Variants in BPIFA1 observed in about 807,000 individuals in gnomAD.
The protein encoded by BPIFA1 is BPI fold-containing family A member 1.
BPIFA1 carries 24 observed loss-of-function variants against 25.1 expected under a neutral mutation model. The observed-to-expected ratio is 0.96, with a 90% confidence interval of 0.69 to 1.35. The LOEUF (loss-of-function observed/expected upper bound fraction) is 1.35. Among genes scored for constraint, BPIFA1 ranks in the 40% most tolerant of loss-of-function variants. The pLI is 0.00. For synonymous variants in BPIFA1, 139 were observed against 131.8 expected, an observed-to-expected ratio of 1.05 and a Z score of -0.37; for missense variants, 344 against 303.7, an observed-to-expected ratio of 1.13 and a Z score of -0.99.
chr20:33,242,210 G>T (rs1459597153), intron 7 of BPIFA1, 91 bp downstream of exon 7: 1 of 1,328,634 alleles, frequency 7.5e-7, no homozygotes, highest in Non-Finnish European at 1.1e-6. Context: ...TAGGATACTA[G>T]GTCCCTCTGG....
Position 33,237,794 on chromosome 20 carries a change from TG to T in BPIFA1, c.85del (p.Asp29ThrfsTer6). 6.2e-7 allele frequency: 1 copy of T among 1,602,376 alleles called. No individual in the cohort carries two copies. The highest frequency in any genetic ancestry group is 2.2e-5 in the East Asian group (1 of 44,572). On this transcript the variant is annotated frameshift_variant, in exon 2 of 9. Transcript: ENST00000354297. LOFTEE classifies it high-confidence loss of function. ...CAGTTTGGAGGCCTGCCCGTGCCCC[TG>T]GACCAGACCCTGCCCTTGAATGTGA... The part of the protein sequence containing the change: ...MAQFGGLPVP[L>X]DQTLPLNVNP...
chr20:33,238,385 G>A (rs76818991), intron 3 of BPIFA1, among the ~76,000 whole-genome samples, 171 bp downstream of exon 3: 6,247 of 152,186 alleles, frequency 0.041, 158 homozygotes, highest in Middle Eastern at 0.085. Flanking sequence ...AGGGACACCC[G>A]TCCTCCCCAA....
intron 3 of BPIFA1, 97 bp from the exon 4 acceptor site, chr20:33,239,706 T>C (rs1978861618): frequency 8.2e-7 from 1 of 1,224,256 alleles, no homozygotes; most frequent in Non-Finnish European, 1.2e-6. Context: ...GGTGGGAAGC[T>C]CTACCTCTGG....
In BPIFA1 at chr20:33,241,477, G is replaced by C. The variant is rs1002910272; in HGVS notation, c.666+8G>C. 7.5e-6 allele frequency: 12 copies of C among 1,604,618 alleles called. No individual in the cohort carries two copies. In the African/African-American group the frequency reaches 1.5e-4, roughly 20 times the overall value. ...GAGTTGGTTCAGGGCAACGTAAGTA[G>C]GCAAGGTGGGGATCCCCTGATCCTC... On this transcript the variant is annotated splice_region_variant and intron_variant, in intron 6 of 8. Coordinates refer to ENST00000354297, the MANE Select transcript of BPIFA1 (RefSeq NM_130852.3).
At chr20:33,237,236 G>T (rs537107320) in intron 1 of BPIFA1, among the ~76,000 whole-genome samples, 10 of 152,196 alleles carry the variant, frequency 6.6e-5, no homozygotes, top group Non-Finnish European at 1.2e-4. Context: ...TAGTACACAA[G>T]TGGGTTTCAA....
At chr20:33,237,931 TG>T (rs1978768762) in intron 2 of BPIFA1, 60 bp downstream of exon 2, 11 of 1,486,302 alleles carry the variant, frequency 7.4e-6, no homozygotes, top group Non-Finnish European at 8.2e-6. Context: ...TGTGTGTGTG[TG>T]TGTGTGTGTG....
At chr20:33,238,562 G>A (rs1051192431) in intron 3 of BPIFA1, among the ~76,000 whole-genome samples, 3 of 152,184 alleles carry the variant, frequency 2.0e-5, no homozygotes, top group African/African-American at 7.2e-5. Flanking sequence ...AGTGAGTAAG[G>A]CTCTCACTCT....
At chr20:33,237,611 A>G in intron 1 of BPIFA1, 86 bp from the exon 2 acceptor site, 1 of 1,187,392 alleles carries the variant, frequency 8.4e-7, no homozygotes, top group Admixed American at 3.1e-5. Context: ...GGAGCAAACA[A>G]CCCCACCCCC....
At chr20:33,240,619 A>AATAG (rs11469892) in intron 5 of BPIFA1, among the ~76,000 whole-genome samples, 1 of 148,240 alleles carries the variant, frequency 6.7e-6, no homozygotes, top group Admixed American at 6.9e-5. Flanking sequence ...GAGAAGGATG[A>AATAG]ATAGATAGAT....
intron 3 of BPIFA1, 83 bp from the exon 4 acceptor site, chr20:33,239,719 TG>T: frequency 7.6e-7 from 1 of 1,313,284 alleles, no homozygotes; most frequent in Non-Finnish European, 1.1e-6. Context: ...ACCTCTGGGA[TG>T]GGTACTGTTA....
rs978556228 is a variant in BPIFA1, at chr20:33,239,983, C to T, written c.428+73C>T. On this transcript the variant is annotated intron_variant, in intron 4 of 8. Coordinates refer to ENST00000354297, the MANE Select transcript of BPIFA1 (RefSeq NM_130852.3). Reference sequence around the variant, plus strand: ...CCCTGGTGACCATGGTTAACCATAACGGGGGTATTGGAGTCTAACAGACCT... The same window carrying T: ...CCCTGGTGACCATGGTTAACCATAATGGGGGTATTGGAGTCTAACAGACCT... The T allele has an allele frequency of 4.8e-5, 71 of 1,492,386 alleles. No homozygotes were observed. In the African/African-American group the frequency reaches 6.8e-4, roughly 14 times the overall value. 92.4% of individuals were successfully genotyped at this position (1,492,386 alleles called of 1,614,324 possible).
rs757991996 is a variant in BPIFA1, at chr20:33,237,799, C to G, written c.88C>G (p.Gln30Glu). 1.0e-4 allele frequency: 163 copies of G among 1,603,140 alleles called. No individual in the cohort carries two copies. The highest frequency in any genetic ancestry group is 2.2e-4 in the Admixed American group (13 of 58,660). Reference protein sequence around the residue: ...QFGGLPVPLDQTLPLNVNPAL... With the variant: ...QFGGLPVPLDETLPLNVNPAL... ...TGGAGGCCTGCCCGTGCCCCTGGACCAGACCCTGCCCTTGAATGTGAATCC... is the reference window on the plus strand; with the variant it reads ...TGGAGGCCTGCCCGTGCCCCTGGACGAGACCCTGCCCTTGAATGTGAATCC... Residue 30 changes from glutamine (Q) to glutamate (E), a missense_variant, in exon 2 of 9, where the codon CAG becomes GAG. Coordinates refer to ENST00000354297, the MANE Select transcript of BPIFA1 (RefSeq NM_130852.3).
rs1027049797 is a variant in BPIFA1, at chr20:33,242,383, C to G, written c.731-104C>G. ...AAGCATGCTGAACACAGTCGGATCT[C>G]CAGAGGCCTCCATTCCCTGGCCCCC... On this transcript the variant is annotated intron_variant, in intron 7 of 8. Coordinates refer to ENST00000354297, the MANE Select transcript of BPIFA1 (RefSeq NM_130852.3). 9 of 1,373,410 alleles carry G rather than the reference C, an allele frequency of 6.6e-6. No homozygotes were observed. In the African/African-American group the frequency reaches 1.1e-4, roughly 17 times the overall value. The allele number at this position is 1,373,410 out of a possible 1,614,324, so 85.1% of individuals were successfully genotyped here. A position where few individuals can be genotyped will look rare whatever the true frequency, so the allele number is the denominator to read the frequency against.
chr20:33,240,665 A>G (rs1304625238), intron 5 of BPIFA1, among the ~76,000 whole-genome samples: 1 of 147,500 alleles, frequency 6.8e-6, no homozygotes, highest in African/African-American at 2.7e-5. Flanking sequence ...ATAGATAGAT[A>G]GATAGATAGA....
In BPIFA1 at chr20:33,241,484, T is replaced by C; in HGVS notation, c.666+15T>C. On this transcript the variant is annotated intron_variant, in intron 6 of 8. Coordinates refer to ENST00000354297, the MANE Select transcript of BPIFA1 (RefSeq NM_130852.3). ...TTCAGGGCAACGTAAGTAGGCAAGGTGGGGATCCCCTGATCCTCAGGTTTT... is the reference window on the plus strand; with the variant it reads ...TTCAGGGCAACGTAAGTAGGCAAGGCGGGGATCCCCTGATCCTCAGGTTTT... The C allele has an allele frequency of 6.2e-7, 1 of 1,601,694 alleles. No individual in the cohort carries two copies. Among genetic ancestry groups the C allele is most frequent in the Non-Finnish European group, 8.6e-7 (1 of 1,168,610 alleles).
intron 4 of BPIFA1, 34 bp downstream of exon 4, chr20:33,239,944 C>T (rs762856637): frequency 6.3e-7 from 1 of 1,583,710 alleles, no homozygotes; most frequent in South Asian, 1.1e-5. Context: ...GAGAGGATGG[C>T]TCACCGAGGG....
intron 5 of BPIFA1, 89 bp from the exon 6 acceptor site, chr20:33,241,296 T>C: frequency 8.1e-7 from 1 of 1,233,690 alleles, no homozygotes; most frequent in Non-Finnish European, 1.2e-6. Context: ...GACTGAGTGT[T>C]GAGACTGTGG....
intron 8 of BPIFA1, 68 bp downstream of exon 8, chr20:33,242,629 G>C (rs1016431300): frequency 4.4e-6 from 5 of 1,143,894 alleles, no homozygotes; most frequent in Non-Finnish European, 6.6e-6. Context: ...GAAGGCAGAC[G>C]GGAGCTTGGG....
chr20:33,238,221 T>A lies in BPIFA1; in HGVS notation c.320+7T>A. ...GCCTGAACAACATCATTGAGTGAGT[T>A]GTCCTAAAATAGAGCTTTGATCTCC... On this transcript the variant is annotated splice_region_variant and intron_variant, in intron 3 of 8. Transcript: ENST00000354297. 6.2e-7 allele frequency: 1 copy of A among 1,608,252 alleles called. No individual in the cohort carries two copies. Among genetic ancestry groups the A allele is most frequent in the Non-Finnish European group, 8.5e-7 (1 of 1,177,070 alleles).
Sources: allele counts gnomAD v4.1 joint callset (sites outside exome capture counted in the v4.1 genomes callset), GRCh38; gene constraint gnomAD v4.1.1; transcripts MANE v1.5; gene names NCBI Gene and HGNC (gene_info 2026-07-23, HGNC 2026-07-21).